Variants in CEP126 observed in about 807,000 individuals in gnomAD.
CEP126 encodes centrosomal protein of 126 kDa.
CEP126 carries 74 observed loss-of-function variants against 107.8 expected under a neutral mutation model. That is an observed-to-expected ratio of 0.69 (90% CI 0.57 to 0.83). The LOEUF is 0.83. Among genes scored for constraint, CEP126 ranks in the 40% least tolerant of loss-of-function variants. The pLI is 0.00. For synonymous variants in CEP126, 449 were observed against 446.0 expected (o/e 1.01, Z -0.08); for missense variants, 1,237 against 1,281.9 (o/e 0.96, Z 0.53).
intron 2 of CEP126, among the ~76,000 whole-genome samples, chr11:101,932,535 A>G (rs1940516235): frequency 6.6e-6 from 1 of 152,172 alleles, no homozygotes; most frequent in Admixed American, 6.5e-5. Flanking sequence ...GAAATCTATC[A>G]TTCATCATTG....
chr11:101,979,687 A>C (rs1211246411), intron 7 of CEP126, among the ~76,000 whole-genome samples: 1 of 152,186 alleles, frequency 6.6e-6, no homozygotes, highest in African/African-American at 2.4e-5. Context: ...GCAGTAAGCT[A>C]TGACTGTGCC....
intron 8 of CEP126, among the ~76,000 whole-genome samples, chr11:101,986,061 C>A (rs1941313415): frequency 6.7e-6 from 1 of 148,608 alleles, no homozygotes; most frequent in South Asian, 2.1e-4. Context: ...CAGCTCACTG[C>A]AACCTCCACC....
intron 2 of CEP126, among the ~76,000 whole-genome samples, chr11:101,938,809 AT>A (rs941420977): frequency 3.2e-4 from 49 of 151,712 alleles, no homozygotes; most frequent in African/African-American, 1.1e-3. Context: ...TTCTCTTTAG[AT>A]TTTTTTCTTT....
At chr11:101,992,172 G>A (rs1000417287) in intron 9 of CEP126, among the ~76,000 whole-genome samples, 5 of 147,210 alleles carry the variant, frequency 3.4e-5, no homozygotes, top group African/African-American at 1.3e-4. Context: ...ATAAAAAGCA[G>A]GGAGCTACAA....
intron 9 of CEP126, among the ~76,000 whole-genome samples, chr11:101,991,659 A>T (rs957667462): frequency 6.6e-6 from 1 of 152,224 alleles, no homozygotes; most frequent in Non-Finnish European, 1.5e-5. Context: ...TGTGTTCATC[A>T]TTAGACTCAA....
At chr11:101,930,044 G>C (rs944537770) in intron 2 of CEP126, among the ~76,000 whole-genome samples, 2 of 147,982 alleles carry the variant, frequency 1.4e-5, no homozygotes, top group African/African-American at 5.0e-5. Context: ...TCCAAGTCTG[G>C]GATATACGAA....
At chr11:101,969,273 A>T (rs544263120) in intron 6 of CEP126, among the ~76,000 whole-genome samples, 1 of 152,192 alleles carries the variant, frequency 6.6e-6, no homozygotes. Flanking sequence ...TGCCTGCCTC[A>T]GTCTCCCAAA....
chr11:101,918,882 A>G (rs1328898803), intron 1 of CEP126, among the ~76,000 whole-genome samples: 2 of 152,172 alleles, frequency 1.3e-5, no homozygotes, highest in South Asian at 2.1e-4. Context: ...GGATGAGTAG[A>G]GTTAGCCAAG....
chr11:101,954,251 T>G (rs1320876453), intron 4 of CEP126, among the ~76,000 whole-genome samples: 1 of 152,072 alleles, frequency 6.6e-6, no homozygotes, highest in Admixed American at 6.6e-5. Flanking sequence ...GGGTCTCGAT[T>G]TCTTGACCTC....
intron 2 of CEP126, among the ~76,000 whole-genome samples, chr11:101,930,349 A>G (rs535921463): frequency 6.6e-6 from 1 of 152,322 alleles, no homozygotes; most frequent in African/African-American, 2.4e-5. Context: ...AATACAGTGT[A>G]AATGTTATGT....
At chr11:101,970,997 C>T (rs529643902) in intron 6 of CEP126, among the ~76,000 whole-genome samples, 36 of 152,114 alleles carry the variant, frequency 2.4e-4, no homozygotes, top group African/African-American at 8.2e-4. Flanking sequence ...TTTTCTGAGA[C>T]AAGGGTCTCA....
At chr11:101,961,642 T>C (rs1940970118) in intron 5 of CEP126, 99 bp from the exon 6 acceptor site, 2 of 632,048 alleles carry the variant, frequency 3.2e-6, no homozygotes, top group Admixed American at 3.2e-5. Flanking sequence ...CTACTCTATA[T>C]GCAAGGAGAA....
intron 9 of CEP126, among the ~76,000 whole-genome samples, chr11:101,991,072 A>C (rs571141281): frequency 1.3e-5 from 2 of 152,116 alleles, no homozygotes; most frequent in African/African-American, 4.8e-5. Flanking sequence ...GCTACTCCAG[A>C]GGCTGAGGTG....
In CEP126 at chr11:101,963,662, C is replaced by T; in HGVS notation, c.2627C>T (p.Pro876Leu). Residue 876 changes from proline to leucine, a missense_variant, in exon 6 of 11, where the codon CCA becomes CTA. Around this residue, in one of 3 missense-constraint regions of CEP126, gnomAD observed 1,134 missense variants for 1,150.5 expected, o/e 0.99. Coordinates refer to ENST00000263468, the MANE Select transcript of CEP126 (RefSeq NM_020802.4). ...SDLVTVIPSL[P>L]SYCSSECQTF... Reference sequence around the variant, plus strand: ...CTAGTCACTGTGATACCATCACTGCCATCATATTGTTCTTCAGAGTGCCAA... The same window carrying T: ...CTAGTCACTGTGATACCATCACTGCTATCATATTGTTCTTCAGAGTGCCAA... 6.2e-7 allele frequency: 1 copy of T among 1,613,838 alleles called. No homozygotes were observed. The highest frequency in any genetic ancestry group is 1.1e-5 in the South Asian group (1 of 91,066).
chr11:101,992,944 T>G, intron 10 of CEP126, 102 bp downstream of exon 10: 1 of 1,171,148 alleles, frequency 8.5e-7, no homozygotes, highest in Non-Finnish European at 1.1e-6. Flanking sequence ...TAATATTTCT[T>G]GGGATTGGTT....
chr11:101,963,968 C>T lies in CEP126; in HGVS notation c.2845+88C>T, dbSNP rs1591286061. On this transcript the variant is annotated intron_variant, in intron 6 of 10. Transcript: ENST00000263468. ...TTGTTCCTATTTATGTATGGCCATACATACTACATAAATATTAATATTAAA... is the reference window on the plus strand; with the variant it reads ...TTGTTCCTATTTATGTATGGCCATATATACTACATAAATATTAATATTAAA... 15 of 791,906 alleles carry T rather than the reference C, an allele frequency of 1.9e-5. No individual in the cohort carries two copies. The East Asian group carries it at 3.9e-4, about 21-fold the overall frequency. 49.1% of individuals were successfully genotyped at this position (791,906 alleles called of 1,614,324 possible). A position where few individuals can be genotyped will look rare whatever the true frequency, so the allele number is the denominator to read the frequency against.
intron 3 of CEP126, 72 bp downstream of exon 3, chr11:101,944,482 C>A: frequency 1.4e-6 from 2 of 1,386,224 alleles, no homozygotes; most frequent in Non-Finnish European, 1.9e-6. Context: ...ACAATAAAAT[C>A]GTAAATGAAG....
In CEP126 at chr11:101,958,350, A is replaced by C; in HGVS notation, c.689A>C (p.His230Pro). ...ACTCAGAAACTCCTCGAAGATCAAC[A>C]TCTAAGCAATTTGCAAGTATGAAAC... Reference protein sequence around the residue: ...EETQKLLEDQHLSNLQKFCDE... With the variant: ...EETQKLLEDQPLSNLQKFCDE... The change falls in exon 5 of 11, where the codon CAT (histidine) becomes CCT (proline). Residue 230 changes from histidine (H) to proline (P), a missense_variant. Around this residue, in one of 3 missense-constraint regions of CEP126, gnomAD observed 1,134 missense variants for 1,150.5 expected, o/e 0.99. Coordinates refer to ENST00000263468, the MANE Select transcript of CEP126 (RefSeq NM_020802.4). The C allele has an allele frequency of 6.8e-6, 11 of 1,613,360 alleles. No homozygotes were observed. Among genetic ancestry groups the C allele is most frequent in the Non-Finnish European group, 9.3e-6 (11 of 1,179,688 alleles).
At chr11:101,996,064 A>T (rs982383422) in intron 10 of CEP126, among the ~76,000 whole-genome samples, 9 of 152,242 alleles carry the variant, frequency 5.9e-5, no homozygotes, top group Non-Finnish European at 1.3e-4. Flanking sequence ...TGATGGACAA[A>T]TACAAAGGTG....
Sources: allele counts gnomAD v4.1 joint callset (sites outside exome capture counted in the v4.1 genomes callset), GRCh38; gene constraint gnomAD v4.1.1; regional missense constraint gnomAD v4.1.1; transcripts MANE v1.5; gene names NCBI Gene and HGNC (gene_info 2026-07-23, HGNC 2026-07-21).